The following MAML2 variants were observed in gnomAD, a reference collection of about 807,000 sequenced individuals.
The protein encoded by MAML2 is mastermind-like protein 2.
In MAML2, 22 loss-of-function variants were observed where a neutral mutation model predicts 96.1. The observed-to-expected ratio is 0.23, with a 90% CI of 0.16 to 0.33. MAML2 has a LOEUF of 0.33. Ranked by LOEUF, MAML2 falls within the 10% of genes least tolerant of loss-of-function variation. MAML2 has a pLI of 1.00. For missense variants in MAML2, 1,367 were observed against 1,392.4 expected, an observed-to-expected ratio of 0.98 and a Z score of 0.29; for synonymous variants, 561 against 521.3, an observed-to-expected ratio of 1.08 and a Z score of -1.04.
intron 2 of MAML2, 84 bp downstream of exon 2, chr11:96,091,808 A>C (rs550543092): frequency 6.6e-7 from 1 of 1,506,448 alleles, no homozygotes; most frequent in East Asian, 2.3e-5. Context: ...TCTTGTCCCA[A>C]TACAAACATA....
At chr11:96,212,451 G>A (rs1861987026) in intron 1 of MAML2, among the ~76,000 whole-genome samples, 3 of 152,106 alleles carry the variant, frequency 2.0e-5, no homozygotes, top group Admixed American at 1.3e-4. Flanking sequence ...GCAGAGAGAA[G>A]CAAGAGGCAA....
At chr11:96,168,157 T>C (rs1861222468) in intron 1 of MAML2, among the ~76,000 whole-genome samples, 1 of 152,202 alleles carries the variant, frequency 6.6e-6, no homozygotes, top group East Asian at 1.9e-4. Flanking sequence ...TTAATCTCTC[T>C]GTGCTTTGGT....
chr11:96,106,289 G>A (rs139609047), intron 1 of MAML2, among the ~76,000 whole-genome samples: 100 of 152,208 alleles, frequency 6.6e-4, no homozygotes, highest in Admixed American at 5.8e-3. Context: ...TAAAACTTTT[G>A]GCAGGTCAAA....
chr11:96,010,029 C>T (rs924462055), intron 2 of MAML2, among the ~76,000 whole-genome samples: 9 of 152,088 alleles, frequency 5.9e-5, no homozygotes, highest in Non-Finnish European at 1.2e-4. Context: ...TTTGGAGCTT[C>T]GGGAATGATC....
chr11:96,202,957 G>A (rs1449371289), intron 1 of MAML2, among the ~76,000 whole-genome samples: 1 of 151,968 alleles, frequency 6.6e-6, no homozygotes, highest in South Asian at 2.1e-4. Flanking sequence ...TATAGAATGT[G>A]AGCTCCCAAA....
At chr11:96,277,917 C>CTTTTT (rs55884794) in intron 1 of MAML2, among the ~76,000 whole-genome samples, 1 of 142,400 alleles carries the variant, frequency 7.0e-6, no homozygotes, top group African/African-American at 2.6e-5. Flanking sequence ...TCTGTGGGAA[C>CTTTTT]TTTTTTTTTT....
Position 95,996,174 on chromosome 11 carries a change from T to C in MAML2, c.2140-4451A>G, listed in dbSNP as rs191785207. On this transcript the variant is annotated intron_variant, in intron 2 of 4. Transcript: ENST00000524717. ...TTGACAAAGTATACTGAATGTCTAC[T>C]CTGTGCTAGGCAGTTTTTTATTTTC... is the stretch of plus-strand genomic sequence containing the variant. Among the ~76,000 whole-genome samples, 146 of 152,342 alleles carry C rather than the reference T, an allele frequency of 9.6e-4. 1 individual carries two copies. Among genetic ancestry groups the C allele is most frequent in the Middle Eastern group, 3.4e-3 (1 of 294 alleles).
chr11:96,261,481 TATA>T (rs1172642865), intron 1 of MAML2, among the ~76,000 whole-genome samples: 1 of 152,254 alleles, frequency 6.6e-6, no homozygotes, highest in Non-Finnish European at 1.5e-5. Context: ...AGGTGTATTC[TATA>T]GCTATAACCG....
chr11:96,270,620 T>G (rs986023588), intron 1 of MAML2, among the ~76,000 whole-genome samples: 3 of 152,182 alleles, frequency 2.0e-5, no homozygotes, highest in African/African-American at 7.2e-5. Context: ...CCATTTCTTA[T>G]TAATACAATA....
intron 2 of MAML2, among the ~76,000 whole-genome samples, chr11:96,012,605 A>C (rs1858283950): frequency 6.6e-6 from 1 of 152,212 alleles, no homozygotes; most frequent in South Asian, 2.1e-4. Flanking sequence ...TATGAACATA[A>C]TAAGCCGTTA....
chr11:96,141,963 A>T (rs752527841), intron 1 of MAML2, among the ~76,000 whole-genome samples: 1 of 152,198 alleles, frequency 6.6e-6, no homozygotes, highest in African/African-American at 2.4e-5. Flanking sequence ...GCGATCAAAA[A>T]AGCTAGCCTG....
Position 95,979,336 on chromosome 11 carries a change from G to T in MAML2, c.3083C>A (p.Pro1028His). ...TAGTGTTTGGCTCATTTGGTTCATG[G>T]GTCTCATTTGCACTGCTGGTGTTAA... The part of the protein sequence containing the change: ...NQLTPAVQMR[P>H]MNQMSQTLNG... Residue 1028 changes from proline (P) to histidine (H), a missense_variant, in exon 5 of 5, where the codon CCC (proline) becomes CAC (histidine). Coordinates refer to ENST00000524717, the MANE Select transcript of MAML2 (RefSeq NM_032427.4). The T allele has an allele frequency of 5.6e-6, 9 of 1,613,854 alleles. No homozygotes were observed. The highest frequency in any genetic ancestry group is 7.6e-6 in the Non-Finnish European group (9 of 1,179,858).
chr11:96,276,990 G>A (rs574759539), intron 1 of MAML2, among the ~76,000 whole-genome samples: 3 of 152,228 alleles, frequency 2.0e-5, no homozygotes, highest in East Asian at 1.9e-4. Context: ...ATCTAAAGCC[G>A]AGTGCGGCAG....
At chr11:95,992,571 G>C (rs1378482740) in intron 2 of MAML2, among the ~76,000 whole-genome samples, 2 of 152,182 alleles carry the variant, frequency 1.3e-5, no homozygotes, top group African/African-American at 2.4e-5. Context: ...AGGGTTACAA[G>C]AAGACTAGAA....
chr11:96,148,613 T>C (rs948601628), intron 1 of MAML2, among the ~76,000 whole-genome samples: 1 of 147,686 alleles, frequency 6.8e-6, no homozygotes, highest in Non-Finnish European at 1.5e-5. Context: ...CAATATGAAG[T>C]GGGGAAATGT....
intron 1 of MAML2, among the ~76,000 whole-genome samples, chr11:96,171,523 C>A (rs1191707273): frequency 1.3e-5 from 2 of 152,204 alleles, no homozygotes; most frequent in African/African-American, 2.4e-5. Flanking sequence ...TCAATAAATA[C>A]ATTTTTAATA....
chr11:96,258,779 G>A (rs937403435), intron 1 of MAML2, among the ~76,000 whole-genome samples: 1 of 152,224 alleles, frequency 6.6e-6, no homozygotes, highest in Non-Finnish European at 1.5e-5. Flanking sequence ...ACAACAGTGA[G>A]AGAGCCAATG....
chr11:96,091,529 T>C (rs747066074), intron 2 of MAML2, among the ~76,000 whole-genome samples: 4 of 152,244 alleles, frequency 2.6e-5, no homozygotes, highest in Middle Eastern at 3.4e-3. Context: ...ATCTTGCACA[T>C]GGTAGGTACT....
At chr11:96,065,885 G>C (rs978042524) in intron 2 of MAML2, among the ~76,000 whole-genome samples, 1 of 152,154 alleles carries the variant, frequency 6.6e-6, no homozygotes, top group East Asian at 1.9e-4. Flanking sequence ...TGCTGGGATA[G>C]GGCAGGCTCC....
Sources: allele counts gnomAD v4.1 joint callset (sites outside exome capture counted in the v4.1 genomes callset), GRCh38; gene constraint gnomAD v4.1.1; transcripts MANE v1.5; gene names NCBI Gene and HGNC (gene_info 2026-07-23, HGNC 2026-07-21).